The following STX6 variants were observed in gnomAD, a reference collection of about 807,000 sequenced individuals.
STX6 encodes the protein syntaxin 6, also known as syntaxin-6.
In STX6, 23 loss-of-function variants were observed where a neutral mutation model predicts 38.0. The observed-to-expected ratio is 0.60, with a 90% CI of 0.43 to 0.86. The LOEUF is 0.86. Ranked by LOEUF, STX6 falls within the 40% of genes least tolerant of loss-of-function variation. The pLI is 0.00. For synonymous variants in STX6, 123 were observed against 107.5 expected, an observed-to-expected ratio of 1.14 and a Z score of -0.89; for missense variants, 274 against 312.9, an observed-to-expected ratio of 0.88 and a Z score of 0.94.
At chr1:181,018,530 C>G (rs1267478122) in intron 1 of STX6, among the ~76,000 whole-genome samples, 1 of 150,098 alleles carries the variant, frequency 6.7e-6, no homozygotes, top group Admixed American at 6.6e-5. Flanking sequence ...CTTCTACGTA[C>G]AAGCTTATAA....
intron 1 of STX6, among the ~76,000 whole-genome samples, chr1:181,020,151 G>C (rs1656684774): frequency 6.6e-6 from 1 of 151,936 alleles, no homozygotes; most frequent in Non-Finnish European, 1.5e-5. Context: ...GGAGGCAGAG[G>C]TTGCAGTGAG....
At chr1:181,012,621 T>C (rs1656433115) in intron 1 of STX6, among the ~76,000 whole-genome samples, 1 of 151,506 alleles carries the variant, frequency 6.6e-6, no homozygotes. Context: ...GAAGAATGCA[T>C]CTTTTGGGAA....
intron 3 of STX6, among the ~76,000 whole-genome samples, chr1:180,997,649 A>G (rs1049154274): frequency 3.3e-5 from 5 of 152,226 alleles, no homozygotes; most frequent in Non-Finnish European, 7.3e-5. Flanking sequence ...AAATATATTA[A>G]GCTCACCTAT....
At position 180,972,943 on chromosome 1, in the gene STX6, G is replaced by A; in HGVS notation, c.*3627C>T. The A allele has an allele frequency of 4.3e-6, 1 of 232,372 alleles. No individual in the cohort carries two copies. Among genetic ancestry groups the A allele is most frequent in the South Asian group, 5.4e-5 (1 of 18,668 alleles). 14.4% of individuals were successfully genotyped at this position (232,372 alleles called of 1,614,324 possible). A position where few individuals can be genotyped will look rare whatever the true frequency, so the allele number is the denominator to read the frequency against. On this transcript the variant is annotated 3_prime_UTR_variant, in exon 8 of 8. Transcript: ENST00000258301. ...ATTAGAAGCAAAGGCCCTGGGAGGAGTAAGGCCTGTCACTGGGGCAGGGGC... is the reference window on the plus strand; with the variant it reads ...ATTAGAAGCAAAGGCCCTGGGAGGAATAAGGCCTGTCACTGGGGCAGGGGC...
intron 1 of STX6, among the ~76,000 whole-genome samples, chr1:181,016,764 A>G (rs984198675): frequency 9.9e-5 from 15 of 152,222 alleles, no homozygotes; most frequent in African/African-American, 3.4e-4. Flanking sequence ...TTATTTCAAC[A>G]TCAATCCACA....
intron 1 of STX6, among the ~76,000 whole-genome samples, chr1:181,019,609 G>A (rs915681215): frequency 1.3e-5 from 2 of 152,156 alleles, no homozygotes; most frequent in Admixed American, 6.5e-5. Context: ...CTAAGGGAGA[G>A]CAGAGGCTAG....
chr1:181,022,396 C>G (rs1296680655), intron 1 of STX6, among the ~76,000 whole-genome samples: 1 of 152,174 alleles, frequency 6.6e-6, no homozygotes, highest in Non-Finnish European at 1.5e-5. Context: ...CCGCAGCACA[C>G]AGGCCAAAAA....
chr1:181,013,258 C>T (rs1352002783), intron 1 of STX6, among the ~76,000 whole-genome samples: 1 of 152,102 alleles, frequency 6.6e-6, no homozygotes, highest in African/African-American at 2.4e-5. Context: ...AGCTTTGTTC[C>T]CCAGTATTTG....
intron 1 of STX6, among the ~76,000 whole-genome samples, chr1:181,011,201 C>T (rs989760718): frequency 6.6e-6 from 1 of 152,064 alleles, no homozygotes; most frequent in African/African-American, 2.4e-5. Flanking sequence ...GTAAACTAGT[C>T]GTTATTTTAC....
chr1:180,996,322 T>C lies in STX6; in HGVS notation c.301-2897A>G, dbSNP rs537676677. 4.0e-5 allele frequency among the ~76,000 whole-genome samples: 6 copies of C among 151,504 alleles called. 1 individual carries two copies. In the South Asian group the frequency reaches 1.2e-3, roughly 31 times the overall value. On this transcript the variant is annotated intron_variant, in intron 3 of 7. Transcript: ENST00000258301. ...ATCCACACAATGCAGTATTATATAC[T>C]AGGCATTATGTACTAGGCATTGTGC... is the stretch of plus-strand genomic sequence containing the variant.
intron 1 of STX6, among the ~76,000 whole-genome samples, chr1:181,011,567 A>T (rs966375738): frequency 6.6e-6 from 1 of 152,256 alleles, no homozygotes; most frequent in African/African-American, 2.4e-5. Context: ...AACCCTCTCA[A>T]TCCAGAACCA....
At chr1:181,013,849 C>A (rs1656479091) in intron 1 of STX6, among the ~76,000 whole-genome samples, 3 of 152,228 alleles carry the variant, frequency 2.0e-5, no homozygotes, top group Admixed American at 1.3e-4. Flanking sequence ...AGTCTGCACA[C>A]ATGCTCTAAC....
intron 7 of STX6, among the ~76,000 whole-genome samples, chr1:180,984,063 CAAAAA>C (rs10625558): frequency 1.1e-3 from 8 of 7,166 alleles, no homozygotes; most frequent in African/African-American, 3.9e-3. Context: ...GGCTCCATCT[CAAAAA>C]AAAAAAAAAA....
At chr1:180,982,200 T>C (rs913344474) in intron 7 of STX6, among the ~76,000 whole-genome samples, 2 of 152,208 alleles carry the variant, frequency 1.3e-5, no homozygotes, top group East Asian at 1.9e-4. Context: ...TGTGCCTCCA[T>C]AGGCTTCCTT....
At chr1:181,009,470 C>CAAAAAAAAA (rs34469966) in intron 1 of STX6, among the ~76,000 whole-genome samples, 1 of 105,434 alleles carries the variant, frequency 9.5e-6, no homozygotes, top group African/African-American at 3.7e-5. Flanking sequence ...CTGTTGTTTC[C>CAAAAAAAAA]AAAAAAAAAA....
intron 3 of STX6, among the ~76,000 whole-genome samples, chr1:180,995,737 G>GT (rs1044545516): frequency 2.6e-5 from 4 of 152,126 alleles, no homozygotes; most frequent in Non-Finnish European, 5.9e-5. Flanking sequence ...TTATAATAGT[G>GT]TTTTTTTAAA....
chr1:180,977,792 T>C (rs1655297542), intron 7 of STX6, among the ~76,000 whole-genome samples: 1 of 152,238 alleles, frequency 6.6e-6, no homozygotes, highest in South Asian at 2.1e-4. Flanking sequence ...GAAAATAAAC[T>C]GCTAAACTCT....
chr1:181,021,622 T>A (rs1235697392), intron 1 of STX6, among the ~76,000 whole-genome samples: 1 of 152,240 alleles, frequency 6.6e-6, no homozygotes, highest in Non-Finnish European at 1.5e-5. Context: ...AGATTTTTCA[T>A]GTTTGACATT....
chr1:181,003,598 A>G (rs946045973), intron 2 of STX6, among the ~76,000 whole-genome samples: 1 of 152,192 alleles, frequency 6.6e-6, no homozygotes, highest in Non-Finnish European at 1.5e-5. Context: ...GTCATCATGA[A>G]TAACAAAAAT....
Sources: allele counts gnomAD v4.1 joint callset (sites outside exome capture counted in the v4.1 genomes callset), GRCh38; gene constraint gnomAD v4.1.1; transcripts MANE v1.5; gene names NCBI Gene and HGNC (gene_info 2026-07-23, HGNC 2026-07-21).